TMEM178B: variants seen among roughly 807,000 people sequenced by gnomAD.
TMEM178B encodes the protein transmembrane protein 178B.
In TMEM178B, 5 loss-of-function variants were observed where a neutral mutation model predicts 31.0. The ratio of observed to expected loss-of-function variants is 0.16; its 90% CI spans 0.08 to 0.34. TMEM178B has a LOEUF of 0.34. Ranked by LOEUF, TMEM178B falls within the 10% of genes least tolerant of loss-of-function variation. The pLI is 1.00. For synonymous variants in TMEM178B, 164 were observed against 164.0 expected, an observed-to-expected ratio of 1.00 and a Z score of 0.00; for missense variants, 275 against 400.3, an observed-to-expected ratio of 0.69 and a Z score of 2.67.
intron 2 of TMEM178B, among the ~76,000 whole-genome samples, chr7:141,237,227 T>C (rs764783927): frequency 2.0e-4 from 30 of 152,366 alleles, no homozygotes; most frequent in Middle Eastern, 6.8e-3. Flanking sequence ...AGAATGTTCA[T>C]ACTCTGTGAC....
chr7:141,460,180 A>G (rs1802037171), intron 3 of TMEM178B, among the ~76,000 whole-genome samples: 1 of 152,192 alleles, frequency 6.6e-6, no homozygotes, highest in South Asian at 2.1e-4. Context: ...AAACATTACA[A>G]ATTAATTTTC....
At chr7:141,310,608 G>A (rs1304492052) in intron 2 of TMEM178B, among the ~76,000 whole-genome samples, 1 of 152,044 alleles carries the variant, frequency 6.6e-6, no homozygotes, top group Non-Finnish European at 1.5e-5. Context: ...CCTGGTGTGT[G>A]ATGTTCCCTT....
chr7:141,260,268 C>G (rs1162557463), intron 2 of TMEM178B, among the ~76,000 whole-genome samples: 1 of 152,098 alleles, frequency 6.6e-6, no homozygotes, highest in Non-Finnish European at 1.5e-5. Context: ...TTATCTTGTT[C>G]CACCTTAATT....
chr7:141,262,839 G>A (rs572107307), intron 2 of TMEM178B, among the ~76,000 whole-genome samples: 23 of 152,138 alleles, frequency 1.5e-4, no homozygotes, highest in Non-Finnish European at 3.2e-4. Flanking sequence ...CGTATTCTTG[G>A]GGCAGTTGGC....
At chr7:141,169,520 A>AT in intron 1 of TMEM178B, among the ~76,000 whole-genome samples, 1 of 152,262 alleles carries the variant, frequency 6.6e-6, no homozygotes, top group African/African-American at 2.4e-5. Context: ...GTGTGCATGT[A>AT]TTTTTATAAT....
chr7:141,284,421 TG>T (rs1798411602), intron 2 of TMEM178B, among the ~76,000 whole-genome samples: 2 of 152,204 alleles, frequency 1.3e-5, no homozygotes, highest in Non-Finnish European at 2.9e-5. Flanking sequence ...GTCTGTTATC[TG>T]GAATATGGTT....
At chr7:141,241,592 A>G (rs1314874406) in intron 2 of TMEM178B, among the ~76,000 whole-genome samples, 1 of 79,238 alleles carries the variant, frequency 1.3e-5, no homozygotes, top group African/African-American at 3.8e-5. Context: ...CTTCGTCTCA[A>G]AAAAAAAAAA....
intron 2 of TMEM178B, among the ~76,000 whole-genome samples, chr7:141,406,801 G>A (rs1348092200): frequency 2.0e-5 from 3 of 152,168 alleles, no homozygotes; most frequent in Admixed American, 1.3e-4. Flanking sequence ...TATAACAAGC[G>A]CCACATGACT....
intron 1 of TMEM178B, among the ~76,000 whole-genome samples, chr7:141,139,341 C>T (rs1373028915): frequency 3.9e-5 from 6 of 152,038 alleles, no homozygotes; most frequent in African/African-American, 1.2e-4. Context: ...TTCAATATTT[C>T]ATTTCCCATT....
At chr7:141,098,579 A>T (rs1795003177) in intron 1 of TMEM178B, among the ~76,000 whole-genome samples, 1 of 152,202 alleles carries the variant, frequency 6.6e-6, no homozygotes, top group African/African-American at 2.4e-5. Flanking sequence ...CAGATTACTT[A>T]AGCTTTCTAT....
In TMEM178B at chr7:141,432,146, C is replaced by CTTTTTTTTTTTTTTTTTTT. The variant is rs71170797; in HGVS notation, c.497-5452_497-5434dup. Among the ~76,000 whole-genome samples the CTTTTTTTTTTTTTTTTTTT allele has an allele frequency of 6.2e-4, 49 of 79,080 alleles. 7 individuals carry two copies. The highest frequency in any genetic ancestry group is 7.5e-3 in the Middle Eastern group (1 of 134). The allele number at this position is 79,080 out of a possible 152,430, so 51.9% of individuals were successfully genotyped here. Reference sequence around the variant, plus strand: ...TTTCTTTTTCTCTCCTTCACTGCATCTTTTTTTTTTTTTTTTTTTTTTTTT... The same window carrying CTTTTTTTTTTTTTTTTTTT: ...TTTCTTTTTCTCTCCTTCACTGCATCTTTTTTTTTTTTTTTTTTTTTTTTTTTTTTTTTTTTTTTTTTTT... On this transcript the variant is annotated intron_variant, in intron 2 of 3. Coordinates refer to ENST00000565468, the MANE Select transcript of TMEM178B (RefSeq NM_001195278.2).
chr7:141,174,230 G>C (rs1796391028), intron 1 of TMEM178B, among the ~76,000 whole-genome samples: 1 of 151,798 alleles, frequency 6.6e-6, no homozygotes, highest in Admixed American at 6.6e-5. Flanking sequence ...TACTGTTCTT[G>C]CATTAGTTTG....
intron 2 of TMEM178B, among the ~76,000 whole-genome samples, chr7:141,298,209 ATTT>A (rs1206100240): frequency 6.6e-6 from 1 of 151,628 alleles, no homozygotes; most frequent in Non-Finnish European, 1.5e-5. Flanking sequence ...GGGTTGTTTG[ATTT>A]TTTCTTGTAA....
chr7:141,336,578 A>G (rs982572931), intron 2 of TMEM178B, among the ~76,000 whole-genome samples: 1 of 152,074 alleles, frequency 6.6e-6, no homozygotes, highest in East Asian at 1.9e-4. Flanking sequence ...AGTTCCTAAC[A>G]CAAGGATTGG....
intron 2 of TMEM178B, among the ~76,000 whole-genome samples, chr7:141,218,535 G>C (rs1049645932): frequency 5.3e-5 from 8 of 152,174 alleles, no homozygotes; most frequent in Non-Finnish European, 1.0e-4. Flanking sequence ...CAGTCTTAAG[G>C]GACCAGTCCT....
At chr7:141,356,008 G>A (rs76709236) in intron 2 of TMEM178B, among the ~76,000 whole-genome samples, 3,305 of 152,212 alleles carry the variant, frequency 0.022, 57 homozygotes, top group Non-Finnish European at 0.031. Context: ...GGATATTGAC[G>A]CCAGCTGCAA....
At chr7:141,392,076 A>G (rs950365101) in intron 2 of TMEM178B, among the ~76,000 whole-genome samples, 2 of 151,202 alleles carry the variant, frequency 1.3e-5, no homozygotes, top group African/African-American at 4.9e-5. Flanking sequence ...TTTTTTTGAG[A>G]AACTGCCATA....
intron 1 of TMEM178B, among the ~76,000 whole-genome samples, chr7:141,116,814 G>C (rs1248006041): frequency 6.6e-6 from 1 of 152,096 alleles, no homozygotes; most frequent in East Asian, 1.9e-4. Context: ...ATGGTTTCCA[G>C]CTTCATCCAT....
intron 1 of TMEM178B, among the ~76,000 whole-genome samples, chr7:141,170,768 G>A (rs187179693): frequency 1.5e-3 from 227 of 152,328 alleles, no homozygotes; most frequent in Admixed American, 5.2e-3. Context: ...ATATCTGGAA[G>A]TGCCCTAGGC....
Sources: allele counts gnomAD v4.1 joint callset (sites outside exome capture counted in the v4.1 genomes callset), GRCh38; gene constraint gnomAD v4.1.1; transcripts MANE v1.5; gene names NCBI Gene and HGNC (gene_info 2026-07-23, HGNC 2026-07-21).